GRIK4: variants seen among roughly 807,000 people sequenced by gnomAD.
GRIK4 encodes the protein glutamate ionotropic receptor kainate type subunit 4.
Under a neutral mutation model 104.9 loss-of-function variants are expected in GRIK4, and 40 were observed. That is an observed-to-expected ratio of 0.38 (90% confidence interval 0.30 to 0.50). The LOEUF (loss-of-function observed/expected upper bound fraction) is 0.50, where lower values mean the gene tolerates loss of function less well. Ranked by LOEUF, GRIK4 falls within the 20% of genes least tolerant of loss-of-function variation. The pLI is 0.93. For synonymous variants in GRIK4, 485 were observed against 524.9 expected, an observed-to-expected ratio of 0.92 and a Z score of 1.04; for missense variants, 1,047 against 1,308.1, an observed-to-expected ratio of 0.80 and a Z score of 3.08.
At chr11:120,520,379 C>T (rs1244459873) in intron 1 of GRIK4, among the ~76,000 whole-genome samples, 2 of 152,198 alleles carry the variant, frequency 1.3e-5, no homozygotes, top group Admixed American at 1.3e-4. Context: ...TTCTTCGATC[C>T]CTGAGTGAGA....
intron 14 of GRIK4, among the ~76,000 whole-genome samples, chr11:120,949,028 G>A (rs1943934911): frequency 6.6e-6 from 1 of 152,198 alleles, no homozygotes; most frequent in South Asian, 2.1e-4. Flanking sequence ...TACCTGTCCT[G>A]ACTGCCTGGC....
chr11:120,664,554 C>T (rs769217945), intron 3 of GRIK4, among the ~76,000 whole-genome samples: 25 of 152,186 alleles, frequency 1.6e-4, no homozygotes, highest in Non-Finnish European at 2.5e-4. Context: ...GTTTAAATAA[C>T]GAACCTAAGG....
chr11:120,713,883 G>A (rs1950782410), intron 3 of GRIK4, among the ~76,000 whole-genome samples: 1 of 152,160 alleles, frequency 6.6e-6, no homozygotes, highest in Non-Finnish European at 1.5e-5. Context: ...AAATTGAGTC[G>A]AGAGTGGATT....
chr11:120,718,280 G>A lies in GRIK4; in HGVS notation c.82+57880G>A, dbSNP rs1373425116. ...CCCTCCTCTCCCCGTCTTTACCCAG[G>A]CTTTCTGGAAACAGCAGAAAAAGCT... On this transcript the variant is annotated intron_variant, in intron 3 of 20. Transcript: ENST00000527524. 3.3e-5 allele frequency among the ~76,000 whole-genome samples: 5 copies of A among 150,770 alleles called. 1 individual carries two copies. In the South Asian group the frequency reaches 1.0e-3, roughly 31 times the overall value.
chr11:120,558,310 G>C (rs1948206962), intron 1 of GRIK4, among the ~76,000 whole-genome samples: 1 of 152,178 alleles, frequency 6.6e-6, no homozygotes, highest in African/African-American at 2.4e-5. Context: ...CCCTCAGGCT[G>C]TGCACGGTGG....
intron 1 of GRIK4, among the ~76,000 whole-genome samples, chr11:120,575,585 C>T (rs570024504): frequency 1.4e-4 from 22 of 152,026 alleles, no homozygotes; most frequent in African/African-American, 5.3e-4. Context: ...GGGGTGTGTG[C>T]GTGGGTTTGG....
chr11:120,751,910 G>C (rs534313212), intron 3 of GRIK4, among the ~76,000 whole-genome samples: 2 of 152,122 alleles, frequency 1.3e-5, no homozygotes, highest in South Asian at 2.1e-4. Context: ...ATGTCGGGAG[G>C]GGATCTCAGG....
At chr11:120,756,203 T>G (rs1446705698) in intron 3 of GRIK4, among the ~76,000 whole-genome samples, 2 of 152,190 alleles carry the variant, frequency 1.3e-5, no homozygotes, top group Non-Finnish European at 2.9e-5. Flanking sequence ...TTAGGAATAA[T>G]AGTCTGAAGG....
Position 120,956,115 on chromosome 11 carries a change from C to A in GRIK4, c.1701-665C>A, listed in dbSNP as rs1414775660. Among the ~76,000 whole-genome samples, 3 of 152,098 alleles carry A rather than the reference C, an allele frequency of 2.0e-5. No individual in the cohort carries two copies. Among genetic ancestry groups the A allele is most frequent in the Non-Finnish European group, 4.4e-5 (3 of 68,008 alleles). ...TTCTAAGGGACACTAATATCTCTCT[C>A]ATCACCCTGTCACTGGCAGTGACAG... On this transcript the variant is annotated intron_variant, in intron 15 of 20. Coordinates refer to ENST00000527524, the MANE Select transcript of GRIK4 (RefSeq NM_014619.5). This position sits in a 1 kb window ranked among gnomAD's most constrained non-coding sequence, Gnocchi z 4.6.
chr11:120,556,198 C>T (rs1037917414), intron 1 of GRIK4, among the ~76,000 whole-genome samples: 1 of 152,104 alleles, frequency 6.6e-6, no homozygotes. Flanking sequence ...TGTCACAGCG[C>T]AGTCCAGGAG....
At chr11:120,766,303 C>A (rs367567234) in intron 3 of GRIK4, among the ~76,000 whole-genome samples, 1 of 152,226 alleles carries the variant, frequency 6.6e-6, no homozygotes, top group Non-Finnish European at 1.5e-5. Flanking sequence ...GCCCCTCCCC[C>A]CACCAAGCCT....
At position 120,905,568 on chromosome 11, in the gene GRIK4, G is replaced by A. The variant is rs753920628; in HGVS notation, c.1476+75G>A. The A allele has an allele frequency of 1.8e-4, 172 of 947,586 alleles. No individual in the cohort carries two copies. Among genetic ancestry groups the A allele is most frequent in the Admixed American group, 3.0e-4 (17 of 57,442 alleles). 58.7% of individuals were successfully genotyped at this position (947,586 alleles called of 1,614,324 possible). On this transcript the variant is annotated intron_variant, in intron 13 of 20. Transcript: ENST00000527524. This position sits in a 1 kb window ranked among gnomAD's most constrained non-coding sequence, Gnocchi z 5.1. Reference sequence around the variant, plus strand: ...GGAAGAGCATGAGGTTGTGCTGCACGCTCATGAACCCTCCATTTGTTCAGT... The same window carrying A: ...GGAAGAGCATGAGGTTGTGCTGCACACTCATGAACCCTCCATTTGTTCAGT...
chr11:120,840,388 A>G (rs541262168), intron 8 of GRIK4, among the ~76,000 whole-genome samples: 1 of 152,322 alleles, frequency 6.6e-6, no homozygotes, highest in East Asian at 1.9e-4. Flanking sequence ...GTGAAACAGC[A>G]TCATGCCCCT....
chr11:120,595,577 C>G (rs1052070367), intron 1 of GRIK4, among the ~76,000 whole-genome samples: 1 of 152,162 alleles, frequency 6.6e-6, no homozygotes, highest in Non-Finnish European at 1.5e-5. Flanking sequence ...GCTTGATGAC[C>G]TCTCACAGTT....
chr11:120,750,236 A>G (rs191838225), intron 3 of GRIK4, among the ~76,000 whole-genome samples: 13 of 152,162 alleles, frequency 8.5e-5, no homozygotes, highest in Non-Finnish European at 1.3e-4. Flanking sequence ...GTCCCCGCAC[A>G]GTAGTCATTA....
At chr11:120,631,091 A>G (rs938180726) in intron 1 of GRIK4, among the ~76,000 whole-genome samples, 1 of 152,328 alleles carries the variant, frequency 6.6e-6, no homozygotes, top group East Asian at 1.9e-4. Flanking sequence ...TTTCGGGGAT[A>G]TTGTGAGAAT....
chr11:120,840,593 T>G (rs1204889902), intron 8 of GRIK4, among the ~76,000 whole-genome samples: 1 of 152,102 alleles, frequency 6.6e-6, no homozygotes, highest in East Asian at 1.9e-4. Flanking sequence ...TATGAGGAAG[T>G]AAGTCCTGGC....
chr11:120,514,188 G>A (rs1053642430), intron 1 of GRIK4, among the ~76,000 whole-genome samples: 3 of 152,180 alleles, frequency 2.0e-5, no homozygotes, highest in Non-Finnish European at 4.4e-5. Context: ...GGTGGGCAGC[G>A]CCAAGCGTGT....
At chr11:120,960,835 C>A in intron 16 of GRIK4, 74 bp from the exon 17 acceptor site, 1 of 1,162,050 alleles carries the variant, frequency 8.6e-7, no homozygotes, top group Non-Finnish European at 1.2e-6. Context: ...CATGTCACAG[C>A]AGGACTGGGG....
Sources: gnomAD v4.1 joint callset for allele counts (sites outside exome capture counted in the v4.1 genomes callset) on GRCh38, gnomAD v4.1.1 for gene constraint, Gnocchi (gnomAD v3.1) non-coding constraint, MANE v1.5 for transcripts, NCBI Gene and HGNC (gene_info 2026-07-23, HGNC 2026-07-21) for gene names.